MTA3: variants seen among roughly 807,000 people sequenced by gnomAD.
MTA3 encodes metastasis-associated protein MTA3.
In MTA3, 34 loss-of-function variants were observed where a neutral mutation model predicts 83.5. That is an observed-to-expected ratio of 0.41 (90% CI 0.31 to 0.54). The LOEUF (loss-of-function observed/expected upper bound fraction) is 0.54, where lower values mean the gene tolerates loss of function less well. MTA3 is among the 20% of genes least tolerant of loss of function. The pLI is 0.33. For synonymous variants in MTA3, 303 were observed against 252.7 expected (o/e 1.20, Z -1.89); for missense variants, 761 against 726.4 (o/e 1.05, Z -0.55).
At chr2:42,541,745 G>A (rs1431167521) in intron 2 of MTA3, among the ~76,000 whole-genome samples, 4 of 152,184 alleles carry the variant, frequency 2.6e-5, no homozygotes, top group Non-Finnish European at 4.4e-5. Context: ...TTAGGTTATA[G>A]CTGTCAGTAT....
chr2:42,750,044 T>C (rs544688100), intron 16 of MTA3, among the ~76,000 whole-genome samples: 1 of 152,212 alleles, frequency 6.6e-6, no homozygotes, highest in Non-Finnish European at 1.5e-5. Context: ...CAGGCTGGAG[T>C]GCAGTGGCAC....
In MTA3 at chr2:42,697,811, G is replaced by A. The variant is rs952557712; in HGVS notation, c.1002G>A (p.Leu334=). 1.3e-6 allele frequency: 2 copies of A among 1,544,472 alleles called. No homozygotes were observed. The highest frequency in any genetic ancestry group is 1.7e-6 in the Non-Finnish European group (2 of 1,147,102). ...AAGCAGCAGAAGCTGAGAGTAAACT[G>A]AAACAAGTATATATCCCAACCTAGT... is the stretch of plus-strand genomic sequence containing the variant. ...RLKAAEAESK[L]KQVYIPTYSK... The change falls in exon 11 of 17, where the codon CTG becomes CTA. Residue 334 remains leucine, a synonymous_variant. Coordinates refer to ENST00000405094, the MANE Select transcript of MTA3 (RefSeq NM_001330442.2).
rs1670128438 is a variant in MTA3 at position 42,754,810 on chromosome 2, A to C, written c.*1411A>C. On this transcript the variant is annotated 3_prime_UTR_variant, in exon 17 of 17. Transcript: ENST00000405094. ...AAGCACGAGGTAACTTGGTAAGGAT[A>C]ATGATGCTGTAGATGTCTGTGTCCT... 1.0e-6 allele frequency: 1 copy of C among 985,384 alleles called. No individual in the cohort carries two copies. The highest frequency in any genetic ancestry group is 1.2e-6 in the Non-Finnish European group (1 of 829,988). The allele number at this position is 985,384 out of a possible 1,614,324, so 61.0% of individuals were successfully genotyped here. A position where few individuals can be genotyped will look rare whatever the true frequency, so the allele number is the denominator to read the frequency against.
intron 8 of MTA3, among the ~76,000 whole-genome samples, chr2:42,676,546 G>T (rs750131646): frequency 6.6e-6 from 1 of 152,112 alleles, no homozygotes. Flanking sequence ...CAGGCAGATC[G>T]CTTGAGCCCA....
chr2:42,588,087 A>G (rs1287428153), intron 3 of MTA3, among the ~76,000 whole-genome samples: 2 of 152,146 alleles, frequency 1.3e-5, no homozygotes, highest in Non-Finnish European at 2.9e-5. Context: ...TAGTAAAACT[A>G]AAAGTGTGAC....
intron 4 of MTA3, among the ~76,000 whole-genome samples, chr2:42,624,080 A>G (rs919334408): frequency 6.6e-6 from 1 of 152,166 alleles, no homozygotes; most frequent in African/African-American, 2.4e-5. Flanking sequence ...AGACAGAAAG[A>G]TGGTGATATC....
At chr2:42,750,171 A>G (rs148760658) in intron 16 of MTA3, among the ~76,000 whole-genome samples, 178 of 151,930 alleles carry the variant, frequency 1.2e-3, no homozygotes, top group African/African-American at 4.0e-3. Flanking sequence ...TTGTATTTTT[A>G]GTAGAGACGG....
chr2:42,732,370 G>A (rs1258131512), intron 16 of MTA3, among the ~76,000 whole-genome samples: 1 of 152,208 alleles, frequency 6.6e-6, no homozygotes, highest in African/African-American at 2.4e-5. Context: ...TCCACACTCT[G>A]AAGCCACGGC....
intron 5 of MTA3, among the ~76,000 whole-genome samples, chr2:42,642,784 ACAGG>A (rs1364782211): frequency 4.8e-4 from 5 of 10,352 alleles, no homozygotes; most frequent in Non-Finnish European, 8.4e-4. Flanking sequence ...AGCTGGGATT[ACAGG>A]TGCCTGCCAC....
At chr2:42,504,923 G>C (rs994976869) in intron 2 of MTA3, among the ~76,000 whole-genome samples, 1 of 152,066 alleles carries the variant, frequency 6.6e-6, no homozygotes, top group Non-Finnish European at 1.5e-5. Context: ...CTTCACCCCA[G>C]CCTCACTCCA....
At chr2:42,543,425 C>G (rs1443746134) in intron 2 of MTA3, among the ~76,000 whole-genome samples, 2 of 152,068 alleles carry the variant, frequency 1.3e-5, no homozygotes, top group Non-Finnish European at 2.9e-5. Flanking sequence ...ATCCACCTAC[C>G]TCGGCCTCCC....
upstream of MTA3, among the ~76,000 whole-genome samples, chr2:42,567,646 GTT>G (rs113411179): frequency 2.1e-5 from 3 of 144,226 alleles, no homozygotes; most frequent in African/African-American, 7.6e-5. Context: ...ATTCAACGTT[GTT>G]TTTTTTTTTT....
chr2:42,622,907 TGTAAA>T (rs1439739303), intron 4 of MTA3, among the ~76,000 whole-genome samples: 2 of 152,198 alleles, frequency 1.3e-5, no homozygotes, highest in African/African-American at 4.8e-5. Flanking sequence ...GGAAGACACT[TGTAAA>T]GTTAGAATAA....
intron 3 of MTA3, among the ~76,000 whole-genome samples, chr2:42,590,383 C>T (rs1337642056): frequency 6.6e-6 from 1 of 152,114 alleles, no homozygotes; most frequent in Non-Finnish European, 1.5e-5. Context: ...TCCAACCTTG[C>T]TTCCTTTCTT....
At chr2:42,578,324 G>A (rs766090893) in intron 2 of MTA3, among the ~76,000 whole-genome samples, 1 of 152,172 alleles carries the variant, frequency 6.6e-6, no homozygotes, top group Non-Finnish European at 1.5e-5. Context: ...CTGGGCCCCA[G>A]CTGCAGTAAA....
chr2:42,663,191 C>T (rs1441670853), intron 8 of MTA3, among the ~76,000 whole-genome samples: 1 of 152,134 alleles, frequency 6.6e-6, no homozygotes, highest in Non-Finnish European at 1.5e-5. Context: ...GATGTGGTCC[C>T]TGCTTGAGTG....
chr2:42,687,843 A>G (rs953271602), intron 9 of MTA3, among the ~76,000 whole-genome samples: 15 of 152,194 alleles, frequency 9.9e-5, no homozygotes, highest in African/African-American at 3.6e-4. Flanking sequence ...CTGGGACTGC[A>G]GTTGCTCTAT....
At chr2:42,700,707 T>C (rs755110839) in intron 11 of MTA3, among the ~76,000 whole-genome samples, 3 of 152,222 alleles carry the variant, frequency 2.0e-5, no homozygotes, top group Admixed American at 6.5e-5. Flanking sequence ...AGGAATATTG[T>C]ATATTATTGA....
At chr2:42,514,062 A>C (rs183009096) in intron 2 of MTA3, among the ~76,000 whole-genome samples, 3 of 152,310 alleles carry the variant, frequency 2.0e-5, no homozygotes, top group Non-Finnish European at 4.4e-5. Context: ...AAAAATGTAA[A>C]ATTAGCTGAG....
Sources: allele counts gnomAD v4.1 joint callset (sites outside exome capture counted in the v4.1 genomes callset), GRCh38; gene constraint gnomAD v4.1.1; transcripts MANE v1.5; gene names NCBI Gene and HGNC (gene_info 2026-07-23, HGNC 2026-07-21).